The following SARS1 variants were observed in gnomAD, a reference collection of about 807,000 sequenced individuals.
SARS1 encodes the protein serine--tRNA ligase, cytoplasmic.
Under a neutral mutation model 63.7 loss-of-function variants are expected in SARS1, and 25 were observed. The observed-to-expected ratio is 0.39, with a 90% CI of 0.29 to 0.55. The LOEUF (loss-of-function observed/expected upper bound fraction) is 0.55. SARS1 is among the 20% of genes least tolerant of loss of function. The pLI, the probability that SARS1 is intolerant of heterozygous loss-of-function variation, is 0.62. For synonymous variants in SARS1, 231 were observed against 243.5 expected (o/e 0.95, Z 0.48); for missense variants, 417 against 649.7 (o/e 0.64, Z 3.89).
intron 3 of SARS1, 87 bp from the exon 4 acceptor site, chr1:109,229,327 C>A: frequency 2.2e-6 from 3 of 1,366,264 alleles, no homozygotes; most frequent in Non-Finnish European, 2.0e-6. Context: ...ATCTTTAGAG[C>A]ACAACAGGGT....
intron 1 of SARS1, among the ~76,000 whole-genome samples, chr1:109,220,739 G>C (rs1264713902): frequency 6.6e-6 from 1 of 151,916 alleles, no homozygotes; most frequent in Non-Finnish European, 1.5e-5. Context: ...TTTCTTCTGT[G>C]ATTTGTCTAT....
At position 109,235,582 on chromosome 1, in the gene SARS1, G is replaced by A. The variant is rs899408632; in HGVS notation, c.969+151G>A. On this transcript the variant is annotated intron_variant, in intron 7 of 10. Coordinates refer to ENST00000234677, the MANE Select transcript of SARS1 (RefSeq NM_006513.4). This position sits in a 1 kb window ranked among gnomAD's most constrained non-coding sequence, Gnocchi z 4.7. Reference sequence around the variant, plus strand: ...TGTTTCTGGGGAAGTGCATGGTGGAGTGGCGTGGATTATGGACCCTGAAAC... The same window carrying A: ...TGTTTCTGGGGAAGTGCATGGTGGAATGGCGTGGATTATGGACCCTGAAAC... 4 of 699,608 alleles carry A rather than the reference G, an allele frequency of 5.7e-6. No individual in the cohort carries two copies. Among genetic ancestry groups the A allele is most frequent in the South Asian group, 3.6e-5 (2 of 55,060 alleles). The allele number at this position is 699,608 out of a possible 1,614,324, so 43.3% of individuals were successfully genotyped here.
intron 1 of SARS1, chr1:109,215,699 CTTTGTTTTGT>C (rs761867538): frequency 3.2e-6 from 3 of 936,578 alleles, no homozygotes; most frequent in Admixed American, 6.2e-5. Flanking sequence ...CATTTCTTTT[CTTTGTTTTGT>C]TTTGTTTTGT....
At chr1:109,231,547 C>A (rs1279171451) in intron 5 of SARS1, 84 bp from the exon 6 acceptor site, 2 of 1,228,224 alleles carry the variant, frequency 1.6e-6, no homozygotes, top group Non-Finnish European at 1.1e-6. Flanking sequence ...GTTCTCTTGG[C>A]CCAGGTGCCT....
At chr1:109,226,214 C>T (rs1405850578) in intron 2 of SARS1, among the ~76,000 whole-genome samples, 1 of 150,426 alleles carries the variant, frequency 6.6e-6, no homozygotes, top group African/African-American at 2.4e-5. Flanking sequence ...CAGATTTTTC[C>T]AACTTTTTAA....
Position 109,237,650 on chromosome 1 carries a change from C to T in SARS1, c.1388-81C>T. 1 of 1,483,616 alleles carries T rather than the reference C, an allele frequency of 6.7e-7. No individual in the cohort carries two copies. The highest frequency in any genetic ancestry group is 2.3e-5 in the East Asian group (1 of 44,094). The allele number at this position is 1,483,616 out of a possible 1,614,324, so 91.9% of individuals were successfully genotyped here. On this transcript the variant is annotated intron_variant, in intron 10 of 10. Coordinates refer to ENST00000234677, the MANE Select transcript of SARS1 (RefSeq NM_006513.4). This position sits in a 1 kb window ranked among gnomAD's most constrained non-coding sequence, Gnocchi z 4.1. ...CCCCTCTGTTCAAAGGGATCATTGT[C>T]TTGTTGAATTCTCCCCAGAGGTCTT...
chr1:109,220,484 T>C (rs1030324039), intron 1 of SARS1, among the ~76,000 whole-genome samples: 1 of 152,246 alleles, frequency 6.6e-6, no homozygotes, highest in African/African-American at 2.4e-5. Flanking sequence ...ACTGAGCGCT[T>C]TTTCATAAGT....
At chr1:109,230,333 C>T (rs970314991) in intron 4 of SARS1, among the ~76,000 whole-genome samples, 6 of 152,092 alleles carry the variant, frequency 3.9e-5, no homozygotes, top group Admixed American at 6.5e-5. Context: ...GGAAAATCAT[C>T]ATTCCCAGTT....
intron 2 of SARS1, among the ~76,000 whole-genome samples, chr1:109,224,583 A>G (rs1655025335): frequency 6.6e-6 from 1 of 152,088 alleles, no homozygotes; most frequent in South Asian, 2.1e-4. Context: ...ATTTCTTTTA[A>G]ATGTAGAAAA....
At chr1:109,229,305 A>T in intron 3 of SARS1, 109 bp from the exon 4 acceptor site, 1 of 1,108,148 alleles carries the variant, frequency 9.0e-7, no homozygotes, top group Non-Finnish European at 1.3e-6. Context: ...TTAAAATGCT[A>T]CCACAAGGGC....
rs372600041 is a variant in SARS1, at chr1:109,221,954, A to ATTT, written c.137-2019_137-2017dup. Among the ~76,000 whole-genome samples the ATTT allele has an allele frequency of 2.4e-4, 21 of 89,280 alleles. 3 individuals are homozygous for ATTT. Among genetic ancestry groups the ATTT allele is most frequent in the African/African-American group, 7.8e-4 (15 of 19,332 alleles). 58.6% of individuals were successfully genotyped at this position (89,280 alleles called of 152,430 possible). A position where few individuals can be genotyped will look rare whatever the true frequency, so the allele number is the denominator to read the frequency against. ...AGGCACACACCACCATGCTCAGCTA[A>ATTT]TTTTTTTGTGTGTGTGTATATATAT... On this transcript the variant is annotated intron_variant, in intron 1 of 10. Coordinates refer to ENST00000234677, the MANE Select transcript of SARS1 (RefSeq NM_006513.4).
At position 109,235,942 on chromosome 1, in the gene SARS1, C is replaced by T. The variant is rs1298751758; in HGVS notation, c.970-35C>T. The stretch of plus-strand genomic sequence containing the variant: ...ACTTCAGTCCTTTATTCACCCTATA[C>T]CGCTGTCACCGTTTCCTTGGGTCCC... On this transcript the variant is annotated intron_variant, in intron 7 of 10. Coordinates refer to ENST00000234677, the MANE Select transcript of SARS1 (RefSeq NM_006513.4). The surrounding 1 kb of genome is among the most constrained non-coding windows in gnomAD (Gnocchi z 4.7). 1.9e-6 allele frequency: 3 copies of T among 1,575,670 alleles called. No individual in the cohort carries two copies. Among genetic ancestry groups the T allele is most frequent in the Non-Finnish European group, 2.6e-6 (3 of 1,161,366 alleles).
In SARS1 at chr1:109,229,341, G is replaced by A. The variant is rs555428768; in HGVS notation, c.289-73G>A. On this transcript the variant is annotated intron_variant, in intron 3 of 10. Transcript: ENST00000234677. The stretch of plus-strand genomic sequence containing the variant: ...TATCTTTAGAGCACAACAGGGTTAG[G>A]GCAACCGAATCATATTCCTGTGCTG... The A allele has an allele frequency of 8.6e-6, 13 of 1,503,256 alleles. No individual in the cohort carries two copies. The African/African-American group carries it at 1.7e-4, about 19-fold the overall frequency. 93.1% of individuals were successfully genotyped at this position (1,503,256 alleles called of 1,614,324 possible). A position where few individuals can be genotyped will look rare whatever the true frequency, so the allele number is the denominator to read the frequency against.
At chr1:109,215,221 T>G in intron 1 of SARS1, 1 of 985,496 alleles carries the variant, frequency 1.0e-6, no homozygotes, top group Non-Finnish European at 1.2e-6. Flanking sequence ...GATTCCACAC[T>G]TGACCTGAAG....
Position 109,237,039 on chromosome 1 carries a change from C to A in SARS1, c.1258-205C>A. ...AGCTACCACTTGTCACTCATCGAAACATGAGGGATCTTTCTGCAGTTATCT... is the reference window on the plus strand; with the variant it reads ...AGCTACCACTTGTCACTCATCGAAAAATGAGGGATCTTTCTGCAGTTATCT... On this transcript the variant is annotated intron_variant, in intron 9 of 10. Coordinates refer to ENST00000234677, the MANE Select transcript of SARS1 (RefSeq NM_006513.4). This position sits in a 1 kb window ranked among gnomAD's most constrained non-coding sequence, Gnocchi z 4.1. The A allele has an allele frequency of 8.1e-7, 1 of 1,236,488 alleles. No homozygotes were observed. Among genetic ancestry groups the A allele is most frequent in the Non-Finnish European group, 1.1e-6 (1 of 909,332 alleles). The allele number at this position is 1,236,488 out of a possible 1,614,324, so 76.6% of individuals were successfully genotyped here.
rs1654748863 is a variant in SARS1, at chr1:109,214,850, G to A, written c.136+722G>A. The A allele has an allele frequency of 5.1e-6, 5 of 985,350 alleles. No individual in the cohort carries two copies. The Admixed American group carries it at 3.1e-4, about 61-fold the overall frequency. The allele number at this position is 985,350 out of a possible 1,614,324, so 61.0% of individuals were successfully genotyped here. ...ATTGGCAGAGTTGGGCTAGAACCTG[G>A]AACTGCCGGATCTTGGAGTCATATC... On this transcript the variant is annotated intron_variant, in intron 1 of 10. Transcript: ENST00000234677. This position sits in a 1 kb window ranked among gnomAD's most constrained non-coding sequence, Gnocchi z 4.6.
chr1:109,230,591 G>A (rs1357359079), intron 4 of SARS1, among the ~76,000 whole-genome samples: 1 of 152,136 alleles, frequency 6.6e-6, no homozygotes, highest in East Asian at 1.9e-4. Context: ...CGGATCACTC[G>A]AGCCCAGGAG....
chr1:109,229,216 C>T (rs969193660), intron 3 of SARS1, among the ~76,000 whole-genome samples, 198 bp from the exon 4 acceptor site: 5 of 152,280 alleles, frequency 3.3e-5, no homozygotes, highest in East Asian at 1.9e-4. Context: ...AGAAAAATGC[C>T]GATGGATTTG....
intron 1 of SARS1, among the ~76,000 whole-genome samples, chr1:109,222,747 C>T (rs936358943): frequency 6.6e-6 from 1 of 152,142 alleles, no homozygotes; most frequent in East Asian, 1.9e-4. Flanking sequence ...CCATGGCTCA[C>T]ACCTGTAATT....
Sources: gnomAD v4.1 joint callset for allele counts (sites outside exome capture counted in the v4.1 genomes callset) on GRCh38, gnomAD v4.1.1 for gene constraint, Gnocchi (gnomAD v3.1) non-coding constraint, MANE v1.5 for transcripts, NCBI Gene and HGNC (gene_info 2026-07-23, HGNC 2026-07-21) for gene names.